Variants in DLG2 observed in about 807,000 individuals in gnomAD.
DLG2 encodes the protein disks large homolog 2.
Under a neutral mutation model 132.5 loss-of-function variants are expected in DLG2, and 45 were observed. The observed-to-expected ratio is 0.34, with a 90% CI of 0.27 to 0.44. DLG2 has a LOEUF of 0.44. Ranked by LOEUF, DLG2 falls within the 20% of genes least tolerant of loss-of-function variation. The probability of loss-of-function intolerance (pLI) is 1.00; values close to 1 mark genes in which losing one functional copy is unlikely to be tolerated. For missense variants in DLG2, 1,045 were observed against 1,196.9 expected (o/e 0.87, Z 1.87); for synonymous variants, 424 against 419.6 (o/e 1.01, Z -0.13).
At chr11:84,951,041 C>T (rs140983202) in intron 6 of DLG2, among the ~76,000 whole-genome samples, 104 of 152,202 alleles carry the variant, frequency 6.8e-4, no homozygotes, top group African/African-American at 2.5e-3. Flanking sequence ...GACAGTAAAG[C>T]CTAAGGGACA....
intron 3 of DLG2, among the ~76,000 whole-genome samples, chr11:85,396,266 C>G (rs928166056): frequency 6.6e-6 from 1 of 152,120 alleles, no homozygotes; most frequent in Admixed American, 6.5e-5. Context: ...GAAACCCCAT[C>G]TTTAGGACAC....
At chr11:83,725,085 A>T (rs1016159842) in intron 18 of DLG2, 8 of 558,412 alleles carry the variant, frequency 1.4e-5, no homozygotes, top group Admixed American at 5.9e-5. Context: ...TGCAACACAA[A>T]CAAGCCAATT....
At chr11:83,526,537 T>A (rs2140835857) in intron 21 of DLG2, among the ~76,000 whole-genome samples, 1 of 152,284 alleles carries the variant, frequency 6.6e-6, no homozygotes, top group African/African-American at 2.4e-5. Context: ...GACCTCATAA[T>A]GCAGCCTGTA....
At chr11:85,229,068 C>T (rs2075140863) in intron 4 of DLG2, among the ~76,000 whole-genome samples, 1 of 151,570 alleles carries the variant, frequency 6.6e-6, no homozygotes, top group African/African-American at 2.4e-5. Flanking sequence ...AATGTTATAC[C>T]ACTTCACATA....
intron 3 of DLG2, among the ~76,000 whole-genome samples, chr11:85,462,985 T>C (rs145875645): frequency 7.9e-5 from 12 of 152,244 alleles, no homozygotes; most frequent in Admixed American, 2.6e-4. Flanking sequence ...AGAAGTCATA[T>C]GAGTAGACAG....
intron 7 of DLG2, among the ~76,000 whole-genome samples, chr11:84,440,980 T>C (rs1328133620): frequency 6.6e-6 from 1 of 152,170 alleles, no homozygotes; most frequent in Non-Finnish European, 1.5e-5. Context: ...AAAAGCTATG[T>C]AATTTCAGTG....
At chr11:84,619,781 T>C (rs1389716823) in intron 6 of DLG2, among the ~76,000 whole-genome samples, 1 of 151,478 alleles carries the variant, frequency 6.6e-6, no homozygotes, top group African/African-American at 2.4e-5. Context: ...AAGGAAGAAA[T>C]TATAAAATTG....
At chr11:84,263,477 C>G (rs1056094071) in intron 7 of DLG2, among the ~76,000 whole-genome samples, 28 of 152,120 alleles carry the variant, frequency 1.8e-4, no homozygotes, top group African/African-American at 6.0e-4. Flanking sequence ...GTTCATAGTT[C>G]ATATTTTGTT....
chr11:83,724,811 GTCTGTCAA>G (rs1167764568), intron 18 of DLG2: 1 of 702,050 alleles, frequency 1.4e-6, no homozygotes, highest in Non-Finnish European at 2.6e-6. Context: ...CCCCCACATG[GTCTGTCAA>G]GAGAAATGGG....
At chr11:85,496,288 T>A (rs902431756) in intron 3 of DLG2, among the ~76,000 whole-genome samples, 1 of 152,194 alleles carries the variant, frequency 6.6e-6, no homozygotes, top group Non-Finnish European at 1.5e-5. Flanking sequence ...CCATGGAGCA[T>A]TGCTCACTGC....
rs570309608 is a variant in DLG2, at chr11:85,447,770, G to A, written c.40+150887C>T. Among the ~76,000 whole-genome samples, 5 of 151,910 alleles carry A rather than the reference G, an allele frequency of 3.3e-5. No homozygotes were observed. The East Asian group carries it at 7.7e-4, about 23-fold the overall frequency. ...TTTCTGAAAAAAAAATTATGAAAAG[G>A]TCAAATCCCAAGAAAGCAAAGAAAC... On this transcript the variant is annotated intron_variant, in intron 3 of 27. Coordinates refer to ENST00000376104, the MANE Select transcript of DLG2 (RefSeq NM_001142699.3).
intron 7 of DLG2, among the ~76,000 whole-genome samples, chr11:84,364,979 TG>T (rs1335253411): frequency 6.6e-6 from 1 of 152,142 alleles, no homozygotes; most frequent in Non-Finnish European, 1.5e-5. Context: ...TTCTCTTTTT[TG>T]GTTGTGTCTC....
At chr11:85,329,003 C>T (rs1462289366) in intron 3 of DLG2, among the ~76,000 whole-genome samples, 1 of 121,750 alleles carries the variant, frequency 8.2e-6, no homozygotes, top group East Asian at 2.4e-4. Context: ...AGAGCCAAAT[C>T]ATGAGTGAAC....
chr11:85,585,182 G>A (rs768733539), intron 3 of DLG2, among the ~76,000 whole-genome samples: 19 of 152,060 alleles, frequency 1.2e-4, no homozygotes, highest in Admixed American at 6.6e-4. Context: ...TTTTATATAC[G>A]ATGAGAGATG....
intron 21 of DLG2, among the ~76,000 whole-genome samples, chr11:83,528,871 T>C (rs2095670467): frequency 6.6e-6 from 1 of 152,184 alleles, no homozygotes; most frequent in Non-Finnish European, 1.5e-5. Context: ...CTCGGTGTTA[T>C]TGCAATCAAT....
chr11:84,525,952 A>G (rs939390191), intron 7 of DLG2, among the ~76,000 whole-genome samples: 4 of 152,146 alleles, frequency 2.6e-5, no homozygotes, highest in Admixed American at 2.0e-4. Context: ...GTAAAAAATG[A>G]TCTCGTGTAT....
At chr11:84,827,570 G>A (rs1392410645) in intron 6 of DLG2, among the ~76,000 whole-genome samples, 3 of 148,086 alleles carry the variant, frequency 2.0e-5, no homozygotes, top group African/African-American at 7.4e-5. Context: ...GAGTTAGGCA[G>A]AAGAGCATGG....
chr11:84,080,849 G>A (rs1424808069), intron 10 of DLG2, among the ~76,000 whole-genome samples: 1 of 151,956 alleles, frequency 6.6e-6, no homozygotes, highest in Non-Finnish European at 1.5e-5. Flanking sequence ...AAAATTAGCT[G>A]GGCGTGGTGG....
At chr11:83,804,064 G>A (rs969885204) in intron 17 of DLG2, among the ~76,000 whole-genome samples, 4 of 152,022 alleles carry the variant, frequency 2.6e-5, no homozygotes, top group African/African-American at 7.2e-5. Context: ...CTAAAAATAA[G>A]GTAATCATCT....
Sources: allele counts gnomAD v4.1 joint callset (sites outside exome capture counted in the v4.1 genomes callset), GRCh38; gene constraint gnomAD v4.1.1; transcripts MANE v1.5; gene names NCBI Gene and HGNC (gene_info 2026-07-23, HGNC 2026-07-21).